The following CCDC57 variants were observed in gnomAD, a reference collection of about 807,000 sequenced individuals.
CCDC57 encodes coiled-coil domain-containing protein 57.
CCDC57 carries 118 observed loss-of-function variants against 118.9 expected under a neutral mutation model. That is an observed-to-expected ratio of 0.99 (90% confidence interval 0.86 to 1.16). The LOEUF (loss-of-function observed/expected upper bound fraction) is 1.16, where lower values mean the gene tolerates loss of function less well. Ranked by LOEUF, CCDC57 falls within the 50% of genes most tolerant of loss-of-function variation. The pLI is 0.00. For synonymous variants in CCDC57, 527 were observed against 532.9 expected (o/e 0.99, Z 0.15); for missense variants, 1,300 against 1,320.7 (o/e 0.98, Z 0.24).
intron 10 of CCDC57, 90 bp downstream of exon 9, chr17:82,178,937 G>A (rs1308294396): frequency 2.1e-6 from 3 of 1,404,674 alleles, no homozygotes; most frequent in African/African-American, 2.9e-5. Flanking sequence ...CAAATTTAAA[G>A]AACCATTTGG....
chr17:82,164,446 A>C (rs1201568322), intron 13 of CCDC57, among the ~76,000 whole-genome samples: 1 of 152,190 alleles, frequency 6.6e-6, no homozygotes, highest in African/African-American at 2.4e-5. Context: ...AGATAACGTT[A>C]GTATTAGATA....
intron 8 of CCDC57, 76 bp from the exon 8 acceptor site, chr17:82,184,008 A>C (rs2046534463): frequency 1.5e-5 from 15 of 998,058 alleles, no homozygotes; most frequent in African/African-American, 3.6e-5. Flanking sequence ...CCCCCCAGCA[A>C]ATACACATGC....
intron 19 of CCDC57, among the ~76,000 whole-genome samples, chr17:82,123,420 C>G (rs2145163329): frequency 6.6e-6 from 1 of 151,788 alleles, no homozygotes; most frequent in Admixed American, 6.6e-5. Context: ...TGAGCCACCG[C>G]CCGGCCTATA....
intron 15 of CCDC57, chr17:82,155,086 C>T (rs1489078380): frequency 6.6e-6 from 1 of 152,306 alleles, no homozygotes; most frequent in East Asian, 1.9e-4. Flanking sequence ...GCGACCCGCC[C>T]AGAGGCGCGT....
intron 19 of CCDC57, among the ~76,000 whole-genome samples, chr17:82,121,815 C>T (rs191570589): frequency 8.3e-4 from 127 of 152,306 alleles, no homozygotes; most frequent in Middle Eastern, 3.4e-3. Flanking sequence ...TTTAGTGAGG[C>T]GTGTCATTTT....
chr17:82,121,406 C>T (rs1206356301), intron 19 of CCDC57, among the ~76,000 whole-genome samples: 2 of 152,178 alleles, frequency 1.3e-5, no homozygotes, highest in Admixed American at 1.3e-4. Context: ...AGGACATGAC[C>T]TCACTCACAG....
chr17:82,195,457 G>C, intron 4 of CCDC57, 93 bp from the exon 4 acceptor site: 7 of 949,476 alleles, frequency 7.4e-6, no homozygotes, highest in Non-Finnish European at 1.2e-5. Context: ...AGGTGAGCAG[G>C]ACACAGTGTT....
Position 82,134,059 on chromosome 17 carries a change from T to G in CCDC57, c.2577+14A>C. On this transcript the variant is annotated intron_variant, in intron 17 of 19. Coordinates refer to ENST00000665763, the Ensembl canonical transcript of CCDC57. ...TATTTTTAAAAATGCATGTCTTAGA[T>G]GAAGGGGTGTTACCTGAGATGTAAA... is the stretch of plus-strand genomic sequence containing the variant. 1 of 1,377,948 alleles carries G rather than the reference T, an allele frequency of 7.3e-7. No homozygotes were observed. Among genetic ancestry groups the G allele is most frequent in the African/African-American group, 1.5e-5 (1 of 65,880 alleles). The allele number at this position is 1,377,948 out of a possible 1,614,324, so 85.4% of individuals were successfully genotyped here. A position where few individuals can be genotyped will look rare whatever the true frequency, so the allele number is the denominator to read the frequency against.
intron 19 of CCDC57, among the ~76,000 whole-genome samples, chr17:82,121,976 C>T (rs886369299): frequency 3.9e-5 from 6 of 152,204 alleles, no homozygotes; most frequent in African/African-American, 1.4e-4. Context: ...CCTCGGTGGA[C>T]GTGTGCTGCT....
downstream of CCDC57, chr17:82,101,486 G>C: frequency 1.8e-6 from 1 of 547,354 alleles, no homozygotes; most frequent in Middle Eastern, 4.7e-4. Context: ...GGAGGAACCT[G>C]GTTTTAATGG....
At chr17:82,151,689 T>G (rs867081610) in exon 16 of CCDC57, 5 of 1,550,242 alleles carry the variant, frequency 3.2e-6, no homozygotes, top group Middle Eastern at 3.3e-4. Context: ...ATAGATAAGG[T>G]CTGGGGGGCA....
At chr17:82,177,732 C>A (rs2146369327) in intron 11 of CCDC57, among the ~76,000 whole-genome samples, 1 of 152,228 alleles carries the variant, frequency 6.6e-6, no homozygotes, top group African/African-American at 2.4e-5. Flanking sequence ...GGAGGTGGGA[C>A]CAGCAGGGGC....
At chr17:82,189,663 A>T (rs1419449867) in intron 7 of CCDC57, among the ~76,000 whole-genome samples, 2 of 152,206 alleles carry the variant, frequency 1.3e-5, no homozygotes, top group Admixed American at 6.5e-5. Context: ...CAGCCTGGCC[A>T]ACATGGCGAA....
At chr17:82,184,031 G>GCGCGCGCGCACACACA in intron 8 of CCDC57, 99 bp from the exon 8 acceptor site, 189 of 131,858 alleles carry the variant, frequency 1.4e-3, no homozygotes, top group Non-Finnish European at 2.0e-3. Flanking sequence ...GCGCGCGCGC[G>GCGCGCGCGCACACACA]CACACACACA....
At chr17:82,126,315 A>G (rs968184622) in intron 19 of CCDC57, 1 of 793,844 alleles carries the variant, frequency 1.3e-6, no homozygotes, top group Non-Finnish European at 1.5e-6. Context: ...AAGATAAAAA[A>G]CAAGGACATT....
chr17:82,195,114 G>T, intron 5 of CCDC57, 149 bp downstream of exon 4: 1 of 667,784 alleles, frequency 1.5e-6, no homozygotes, highest in South Asian at 1.7e-5. Context: ...GCATCCACAT[G>T]GCCCACCTGC....
At position 82,194,130 on chromosome 17, in the gene CCDC57, G is replaced by A. The variant is rs755980337; in HGVS notation, c.628C>T (p.Leu210=). The change falls in exon 6 of 20, where the codon CTG becomes TTG. Residue 210 remains leucine, a synonymous_variant. Transcript: ENST00000665763. ...TTCAGAGCCTCCAGCTCTTTGTGCA[G>A]TAGTTTAACCTTTGAATGATAAAAA... 21 of 1,612,988 alleles carry A rather than the reference G, an allele frequency of 1.3e-5. 1 individual carries two copies. The highest frequency in any genetic ancestry group is 1.7e-5 in the Non-Finnish European group (20 of 1,179,280).
rs1360115140 is a variant in CCDC57, at chr17:82,212,493, G to T, written c.-211+292C>A. On this transcript the variant is annotated intron_variant, in intron 1 of 19. Transcript: ENST00000665763. The surrounding 1 kb of genome is among the most constrained non-coding windows in gnomAD (Gnocchi z 4.1). ...GGCGGAACCCGGGGAATTCTCCCGG[G>T]GCTGCGGGGCCCTGGTCGGCAGCGC... Among the ~76,000 whole-genome samples, 9 of 150,992 alleles carry T rather than the reference G, an allele frequency of 6.0e-5. No homozygotes were observed. Among genetic ancestry groups the T allele is most frequent in the African/African-American group, 1.9e-4 (8 of 41,056 alleles).
rs878991520 is a variant in CCDC57 at position 82,179,097 on chromosome 17, TCA to T, written c.1302_1303del (p.Cys434Ter). 2.5e-6 allele frequency: 4 copies of T among 1,613,968 alleles called. No homozygotes were observed. Among genetic ancestry groups the T allele is most frequent in the Non-Finnish European group, 2.5e-6 (3 of 1,179,892 alleles). ...TTGGATCTGGTCCCTTTCAATGTCATCACAGCGGCGCTGCCAGTCCAGGCCCA... is the reference window on the plus strand; with the variant it reads ...TTGGATCTGGTCCCTTTCAATGTCATCAGCGGCGCTGCCAGTCCAGGCCCA... On this transcript the variant is annotated stop_gained and frameshift_variant, in exon 10 of 20. Coordinates refer to ENST00000665763, the Ensembl canonical transcript of CCDC57. LOFTEE classifies it high-confidence loss of function.
Sources: gnomAD v4.1 joint callset for allele counts (sites outside exome capture counted in the v4.1 genomes callset) on GRCh38, gnomAD v4.1.1 for gene constraint, Gnocchi (gnomAD v3.1) non-coding constraint, MANE v1.5 for transcripts, NCBI Gene and HGNC (gene_info 2026-07-23, HGNC 2026-07-21) for gene names.